SNED1: variants seen among roughly 807,000 people sequenced by gnomAD.
The protein encoded by SNED1 is sushi, nidogen and EGF-like domain-containing protein 1.
A neutral mutation model predicts 166.7 loss-of-function variants in SNED1; 81 were observed. The ratio of observed to expected loss-of-function variants is 0.49; its 90% CI spans 0.41 to 0.58. The LOEUF (loss-of-function observed/expected upper bound fraction) is 0.58. Ranked by LOEUF, SNED1 falls within the 20% of genes least tolerant of loss-of-function variation. SNED1 has a pLI of 0.00. For synonymous variants in SNED1, 762 were observed against 822.0 expected, an observed-to-expected ratio of 0.93 and a Z score of 1.25; for missense variants, 1,604 against 2,000.2, an observed-to-expected ratio of 0.80 and a Z score of 3.78.
rs1417279619 is a variant in SNED1 at position 241,092,039 on chromosome 2, A to C, written c.*403A>C. On this transcript the variant is annotated 3_prime_UTR_variant, in exon 32 of 32. Coordinates refer to ENST00000310397, the MANE Select transcript of SNED1 (RefSeq NM_001080437.3). The surrounding 1 kb of genome is among the most constrained non-coding windows in gnomAD (Gnocchi z 4.6). ...TCTTAGACTCCAAAGCCAGAGAAAG[A>C]ATTCTCCCTTCGAGGCCCAACAAAT... is the stretch of plus-strand genomic sequence containing the variant. The C allele has an allele frequency of 2.0e-5, 3 of 152,414 alleles. No individual in the cohort carries two copies. The East Asian group carries it at 5.8e-4, about 29-fold the overall frequency. The allele number at this position is 152,414 out of a possible 1,614,324, so 9.4% of individuals were successfully genotyped here.
At chr2:241,055,146 G>T (rs1379735079) in intron 16 of SNED1, among the ~76,000 whole-genome samples, 3 of 151,898 alleles carry the variant, frequency 2.0e-5, no homozygotes, top group Non-Finnish European at 4.4e-5. Flanking sequence ...TATTTGTGCT[G>T]TAGAGGGTAG....
chr2:241,059,050 C>T (rs1170001317), intron 16 of SNED1, among the ~76,000 whole-genome samples: 1 of 152,130 alleles, frequency 6.6e-6, no homozygotes, highest in Non-Finnish European at 1.5e-5. Context: ...GATCCTACCT[C>T]GTGTTTACAG....
intron 29 of SNED1, among the ~76,000 whole-genome samples, chr2:241,085,360 G>C (rs2063525078): frequency 6.6e-6 from 1 of 152,082 alleles, no homozygotes; most frequent in South Asian, 2.1e-4. Context: ...TTCTTCTGCA[G>C]CATCTACCAT....
intron 28 of SNED1, 141 bp downstream of exon 28, chr2:241,081,934 C>G (rs765623547): frequency 3.8e-5 from 25 of 666,568 alleles, no homozygotes; most frequent in Non-Finnish European, 5.8e-5. Flanking sequence ...ACGGGGCTGA[C>G]CCCTGAGCCC....
rs142669601 is a variant in SNED1, at chr2:241,040,469, A to G, written c.1273+56A>G. ...GGCTGATGGTGGCTTTGTGCCGTGA[A>G]CACCCCCATAGCCACTTTCCCCTTC... On this transcript the variant is annotated intron_variant, in intron 8 of 31. Coordinates refer to ENST00000310397, the MANE Select transcript of SNED1 (RefSeq NM_001080437.3). The G allele has an allele frequency of 4.7e-3, 5,214 of 1,117,486 alleles. 44 individuals carry two copies. The highest frequency in any genetic ancestry group is 0.032 in the African/African-American group (2,077 of 64,666). 69.2% of individuals were successfully genotyped at this position (1,117,486 alleles called of 1,614,324 possible). A position where few individuals can be genotyped will look rare whatever the true frequency, so the allele number is the denominator to read the frequency against.
At position 241,040,355 on chromosome 2, in the gene SNED1, A is replaced by T; in HGVS notation, c.1215A>T (p.Leu405=). 1 of 1,609,574 alleles carries T rather than the reference A, an allele frequency of 6.2e-7. No homozygotes were observed. Among genetic ancestry groups the T allele is most frequent in the Non-Finnish European group, 8.5e-7 (1 of 1,178,064 alleles). The change falls in exon 8 of 32, where the codon CTA becomes CTT. Residue 405 remains leucine, a synonymous_variant. Coordinates refer to ENST00000310397, the MANE Select transcript of SNED1 (RefSeq NM_001080437.3). The part of the protein sequence containing the change: ...PCLNGGSCVD[L]VGNYTCLCAE... ...TGAATGGAGGCTCTTGTGTTGACCT[A>T]GTGGGGAATTACACCTGCTTGTGTG...
chr2:241,084,848 A>G (rs10169241), intron 29 of SNED1, among the ~76,000 whole-genome samples: 41 of 150,418 alleles, frequency 2.7e-4, no homozygotes, highest in African/African-American at 9.5e-4. Context: ...GTCTGAAACT[A>G]TTTTTTTTTC....
intron 27 of SNED1, among the ~76,000 whole-genome samples, chr2:241,081,376 C>T (rs2063320272): frequency 6.6e-6 from 1 of 152,164 alleles, no homozygotes; most frequent in Non-Finnish European, 1.5e-5. Context: ...GAAGGCCCCG[C>T]TCCTCCCTCC....
chr2:241,016,299 T>C (rs2060589590), intron 1 of SNED1, among the ~76,000 whole-genome samples: 1 of 149,994 alleles, frequency 6.7e-6, no homozygotes, highest in African/African-American at 2.5e-5. Flanking sequence ...GGGTTCACGC[T>C]ATTCTCCTGC....
intron 1 of SNED1, among the ~76,000 whole-genome samples, chr2:241,000,581 C>T (rs1376346898): frequency 6.6e-6 from 1 of 152,220 alleles, no homozygotes; most frequent in Non-Finnish European, 1.5e-5. Flanking sequence ...CCAGGCTCAG[C>T]TTTCCCACTC....
chr2:241,090,330 G>A (rs2125348096), intron 31 of SNED1: 2 of 1,550,212 alleles, frequency 1.3e-6, no homozygotes, highest in East Asian at 4.9e-5. Context: ...TCGTGTCCCA[G>A]TAACACACAT....
intron 12 of SNED1, among the ~76,000 whole-genome samples, chr2:241,050,398 G>A (rs554598325): frequency 6.6e-6 from 1 of 152,198 alleles, no homozygotes; most frequent in African/African-American, 2.4e-5. Flanking sequence ...GCAGTTTGAA[G>A]CAACAGTCAG....
chr2:240,999,471 C>G lies in SNED1; in HGVS notation c.213+421C>G, dbSNP rs2106514818. ...GGGCCTGCGAAGGTTGCAGCCCCTCCTTGGGCCATTTCAGCCCCGCCCCCC... is the reference window on the plus strand; with the variant it reads ...GGGCCTGCGAAGGTTGCAGCCCCTCGTTGGGCCATTTCAGCCCCGCCCCCC... On this transcript the variant is annotated intron_variant, in intron 1 of 31. Coordinates refer to ENST00000310397, the MANE Select transcript of SNED1 (RefSeq NM_001080437.3). The surrounding 1 kb of genome is among the most constrained non-coding windows in gnomAD (Gnocchi z 5.8). Among the ~76,000 whole-genome samples the G allele has an allele frequency of 6.6e-6, 1 of 152,326 alleles. No individual in the cohort carries two copies. The highest frequency in any genetic ancestry group is 1.9e-4 in the East Asian group (1 of 5,186).
chr2:241,012,814 G>GT lies in SNED1; in HGVS notation c.213+13774dup, dbSNP rs1173491477. 7.4e-3 allele frequency among the ~76,000 whole-genome samples: 977 copies of GT among 132,530 alleles called. 7 individuals are homozygous for GT. Among genetic ancestry groups the GT allele is most frequent in the Non-Finnish European group, 9.5e-3 (614 of 64,400 alleles). 86.9% of individuals were successfully genotyped at this position (132,530 alleles called of 152,430 possible). ...TTTCAATTAAACGAGGCAGTACTGT[G>GT]TTTTTTTTTTCTTTTTTTTTTTTTT... On this transcript the variant is annotated intron_variant, in intron 1 of 31. Coordinates refer to ENST00000310397, the MANE Select transcript of SNED1 (RefSeq NM_001080437.3).
chr2:241,017,561 CA>C (rs1204693009), intron 1 of SNED1, among the ~76,000 whole-genome samples: 1 of 152,196 alleles, frequency 6.6e-6, no homozygotes, highest in African/African-American at 2.4e-5. Flanking sequence ...TTGTAGTTGG[CA>C]AAAAAGTGCA....
chr2:241,051,623 A>G lies in SNED1; in HGVS notation c.1736-121A>G, dbSNP rs2061843550. 5.1e-6 allele frequency: 4 copies of G among 781,240 alleles called. No homozygotes were observed. The highest frequency in any genetic ancestry group is 7.7e-6 in the Non-Finnish European group (4 of 517,370). The allele number at this position is 781,240 out of a possible 1,614,324, so 48.4% of individuals were successfully genotyped here. The stretch of plus-strand genomic sequence containing the variant: ...TTGGCCCCTGCTGCAGCCAGGCCCC[A>G]GGGCTTCGTCGAGAAGGCCCCACCA... On this transcript the variant is annotated intron_variant, in intron 12 of 31. Transcript: ENST00000310397. The surrounding 1 kb of genome is among the most constrained non-coding windows in gnomAD (Gnocchi z 4.7).
Position 241,067,906 on chromosome 2 carries a change from G to C in SNED1, c.3153G>C (p.Gln1051His). 1 of 1,613,518 alleles carries C rather than the reference G, an allele frequency of 6.2e-7. No homozygotes were observed. The highest frequency in any genetic ancestry group is 8.5e-7 in the Non-Finnish European group (1 of 1,179,836). ...SIRHPEALRD[Q>H]ATDVDRSVDR... ...GCCACCCTGAGGCCCTCAGGGACCA[G>C]GCCACCGATGTGGACAGGAGTGTGG... Residue 1051 changes from glutamine to histidine, a missense_variant, in exon 22 of 32, where the codon CAG (glutamine) becomes CAC (histidine). Physicochemically the swap from Gln to His is conservative, Grantham distance 24. Coordinates refer to ENST00000310397, the MANE Select transcript of SNED1 (RefSeq NM_001080437.3).
intron 1 of SNED1, among the ~76,000 whole-genome samples, chr2:241,008,302 G>A (rs537196423): frequency 1.3e-4 from 20 of 152,340 alleles, no homozygotes; most frequent in African/African-American, 2.6e-4. Context: ...AGGGCTGCTC[G>A]TGGTGACCCG....
intron 1 of SNED1, among the ~76,000 whole-genome samples, chr2:241,008,843 A>T (rs536829584): frequency 1.3e-5 from 2 of 152,318 alleles, no homozygotes; most frequent in Admixed American, 1.3e-4. Context: ...CCTGACCCCA[A>T]TGCCTCCACA....
Sources: gnomAD v4.1 joint callset for allele counts (sites outside exome capture counted in the v4.1 genomes callset) on GRCh38, gnomAD v4.1.1 for gene constraint, Gnocchi (gnomAD v3.1) non-coding constraint, MANE v1.5 for transcripts, NCBI Gene and HGNC (gene_info 2026-07-23, HGNC 2026-07-21) for gene names.